SERPINE3: variants seen among roughly 807,000 people sequenced by gnomAD.
SERPINE3 encodes the protein serpin E3.
SERPINE3 carries 43 observed loss-of-function variants against 41.7 expected under a neutral mutation model. The observed-to-expected ratio is 1.03, with a 90% CI of 0.81 to 1.33. SERPINE3 has a LOEUF of 1.33. Ranked by LOEUF, SERPINE3 falls within the 40% of genes most tolerant of loss-of-function variation. The probability of loss-of-function intolerance (pLI) is 0.00; values close to 1 mark genes in which losing one functional copy is unlikely to be tolerated. For missense variants in SERPINE3, 440 were observed against 491.7 expected (o/e 0.89, Z 0.99); for synonymous variants, 200 against 192.2 (o/e 1.04, Z -0.34).
chr13:51,342,694 G>A (rs954244865), intron 3 of SERPINE3, among the ~76,000 whole-genome samples: 2 of 152,142 alleles, frequency 1.3e-5, no homozygotes, highest in African/African-American at 4.8e-5. Flanking sequence ...AGATGGAGAG[G>A]AGAGTTCTGT....
chr13:51,364,219 ATTC>A lies in SERPINE3; in HGVS notation c.1172-14_1172-12del, dbSNP rs910313121. On this transcript the variant is annotated splice_polypyrimidine_tract_variant and intron_variant, in intron 9 of 9. Transcript: ENST00000681248. ...ATATGAAAATACTATATAATATTAA[ATTC>A]TTCTTTTTCTTGACAGGGTTTGTCT... is the stretch of plus-strand genomic sequence containing the variant. 5.3e-6 allele frequency: 7 copies of A among 1,325,606 alleles called. No homozygotes were observed. The highest frequency in any genetic ancestry group is 4.4e-5 in the African/African-American group (3 of 67,884). The allele number at this position is 1,325,606 out of a possible 1,614,324, so 82.1% of individuals were successfully genotyped here. A position where few individuals can be genotyped will look rare whatever the true frequency, so the allele number is the denominator to read the frequency against.
At chr13:51,340,224 TAAC>T (rs1325364811) in intron 1 of SERPINE3, among the ~76,000 whole-genome samples, 1 of 152,134 alleles carries the variant, frequency 6.6e-6, no homozygotes, top group Non-Finnish European at 1.5e-5. Flanking sequence ...TCAGACAACT[TAAC>T]AAAAACTGCT....
At chr13:51,357,754 A>G (rs1955503217) in intron 7 of SERPINE3, among the ~76,000 whole-genome samples, 2 of 151,758 alleles carry the variant, frequency 1.3e-5, no homozygotes, top group African/African-American at 4.8e-5. Flanking sequence ...AGCTAAAGAT[A>G]CTCTTCTTAA....
At chr13:51,357,210 TAATC>T (rs1388566920) in intron 7 of SERPINE3, among the ~76,000 whole-genome samples, 3 of 152,192 alleles carry the variant, frequency 2.0e-5, no homozygotes, top group Non-Finnish European at 2.9e-5. Context: ...TCTTTAAACA[TAATC>T]AAGAGACTAA....
intron 4 of SERPINE3, among the ~76,000 whole-genome samples, 155 bp downstream of exon 4, chr13:51,344,640 G>A (rs990110633): frequency 7.9e-5 from 12 of 152,114 alleles, no homozygotes; most frequent in African/African-American, 4.8e-5. Context: ...ATGACAAGGG[G>A]ACACTAAGTC....
Position 51,341,364 on chromosome 13 carries a change from C to G in SERPINE3, c.256+17C>G. ...CTGTCCATGGTAAGAGGCCTGCCCA[C>G]GTGCACACTCACTTACCCTCCTGTT... is the stretch of plus-strand genomic sequence containing the variant. On this transcript the variant is annotated intron_variant, in intron 3 of 9. Coordinates refer to ENST00000681248, the MANE Select transcript of SERPINE3 (RefSeq NM_001386375.1). 1.3e-6 allele frequency: 2 copies of G among 1,565,778 alleles called. No homozygotes were observed. Among genetic ancestry groups the G allele is most frequent in the South Asian group, 1.2e-5 (1 of 85,548 alleles).
intron 9 of SERPINE3, chr13:51,363,880 G>A (rs1161622317): frequency 6.3e-6 from 1 of 159,524 alleles, no homozygotes; most frequent in Non-Finnish European, 1.4e-5. Flanking sequence ...TAAAGGTCAT[G>A]AGCAATCTGT....
At chr13:51,346,970 C>T (rs570068427) in intron 4 of SERPINE3, 55 bp from the exon 5 acceptor site, 15 of 1,317,800 alleles carry the variant, frequency 1.1e-5, no homozygotes, top group Middle Eastern at 3.9e-4. Context: ...ACACTGGGTT[C>T]GGTTCAGTTT....
At chr13:51,347,959 C>G (rs1046850163) in intron 5 of SERPINE3, among the ~76,000 whole-genome samples, 2 of 151,896 alleles carry the variant, frequency 1.3e-5, no homozygotes, top group African/African-American at 4.8e-5. Flanking sequence ...GCCATCGTCC[C>G]CCCCCCCATA....
chr13:51,353,854 C>T (rs761082840), intron 6 of SERPINE3, among the ~76,000 whole-genome samples: 12 of 152,044 alleles, frequency 7.9e-5, no homozygotes, highest in Non-Finnish European at 1.5e-4. Flanking sequence ...TAGAAAAAGA[C>T]CATCTAATTT....
At chr13:51,361,924 T>G (rs754154582) in intron 9 of SERPINE3, 31 bp downstream of exon 9, 2 of 1,611,882 alleles carry the variant, frequency 1.2e-6, no homozygotes, top group African/African-American at 1.3e-5. Context: ...AGGATTCAGA[T>G]AATTTATCAG....
chr13:51,358,584 G>A (rs1189970485), intron 7 of SERPINE3, among the ~76,000 whole-genome samples: 1 of 152,148 alleles, frequency 6.6e-6, no homozygotes, highest in African/African-American at 2.4e-5. Flanking sequence ...CATTCGTATA[G>A]TGGTAAGGGG....
intron 6 of SERPINE3, among the ~76,000 whole-genome samples, chr13:51,352,478 T>TG (rs1955414634): frequency 6.6e-6 from 1 of 152,082 alleles, no homozygotes; most frequent in African/African-American, 2.4e-5. Context: ...TAGGTTTTTT[T>TG]TTGTGTGTGT....
In SERPINE3 at chr13:51,344,253, C is replaced by A. The variant is rs1955322703; in HGVS notation, c.258C>A (p.Asp86Glu). ...LADALGYTVH[D>E]KRVKDFLHAV... ...CTTATCCCAACTTGTTTTTCACAGA[C>A]AAAAGGGTGAAAGATTTCTTGCATG... The change falls in exon 4 of 10, where the codon GAC becomes GAA. Residue 86 changes from aspartate (D) to glutamate (E), a missense_variant and splice_region_variant. By Grantham distance (45) the Asp-to-Glu change is conservative (BLOSUM62 2). Coordinates refer to ENST00000681248, the MANE Select transcript of SERPINE3 (RefSeq NM_001386375.1). The A allele has an allele frequency of 6.2e-7, 1 of 1,612,972 alleles. No individual in the cohort carries two copies. The highest frequency in any genetic ancestry group is 2.2e-5 in the East Asian group (1 of 44,888).
chr13:51,340,718 A>C (rs1955280947), intron 1 of SERPINE3, 66 bp from the exon 2 acceptor site: 1 of 281,422 alleles, frequency 3.6e-6, no homozygotes, highest in Non-Finnish European at 6.8e-6. Flanking sequence ...TATACCAAGA[A>C]CAATGAGTAG....
intron 8 of SERPINE3, 173 bp from the exon 9 acceptor site, chr13:51,361,637 A>G (rs1955577714): frequency 4.8e-6 from 3 of 620,176 alleles, no homozygotes; most frequent in Non-Finnish European, 8.2e-6. Context: ...AGGATTGGCT[A>G]AATGGCATCT....
At position 51,361,913 on chromosome 13, in the gene SERPINE3, C is replaced by CA; in HGVS notation, c.1171+21dup. ...ACACAGGTATTACAGTATTTTTTGA[C>CA]AGGATTCAGATAATTTATCAGTGTC... On this transcript the variant is annotated intron_variant, in intron 9 of 9. Coordinates refer to ENST00000681248, the MANE Select transcript of SERPINE3 (RefSeq NM_001386375.1). The CA allele has an allele frequency of 6.2e-7, 1 of 1,611,688 alleles. No individual in the cohort carries two copies. Among genetic ancestry groups the CA allele is most frequent in the Non-Finnish European group, 8.5e-7 (1 of 1,178,494 alleles).
chr13:51,341,197 C>A lies in SERPINE3; in HGVS notation c.106C>A (p.His36Asn). ...ATTGCTGAAGACTGAGTTTGCACTT[C>A]ACCTCTACCAGAGTGTGGCCGCGTG... ...MTLLKTEFAL[H>N]LYQSVAACRN... is the part of the protein sequence containing the mutation. Residue 36 changes from histidine to asparagine, a missense_variant, in exon 3 of 10, where the codon CAC (histidine) becomes AAC (asparagine). Physicochemically the swap from His to Asn is moderately conservative, Grantham distance 68. Coordinates refer to ENST00000681248, the MANE Select transcript of SERPINE3 (RefSeq NM_001386375.1). The A allele has an allele frequency of 6.2e-7, 1 of 1,614,066 alleles. No individual in the cohort carries two copies. The highest frequency in any genetic ancestry group is 1.1e-5 in the South Asian group (1 of 91,084).
rs1042311082 is a variant in SERPINE3, at chr13:51,364,326, A to G, written c.*44A>G. 11 of 1,191,574 alleles carry G rather than the reference A, an allele frequency of 9.2e-6. No homozygotes were observed. The Admixed American group carries it at 1.4e-4, about 15-fold the overall frequency. The allele number at this position is 1,191,574 out of a possible 1,614,324, so 73.8% of individuals were successfully genotyped here. A position where few individuals can be genotyped will look rare whatever the true frequency, so the allele number is the denominator to read the frequency against. ...CATCAATGCTTTTCTTCATAAAGTT[A>G]TAATTTCATTTTGCTATACCCTTGA... On this transcript the variant is annotated 3_prime_UTR_variant, in exon 10 of 10. Coordinates refer to ENST00000681248, the MANE Select transcript of SERPINE3 (RefSeq NM_001386375.1).
Sources: gnomAD v4.1 joint callset for allele counts (sites outside exome capture counted in the v4.1 genomes callset) on GRCh38, gnomAD v4.1.1 for gene constraint, MANE v1.5 for transcripts, NCBI Gene and HGNC (gene_info 2026-07-23, HGNC 2026-07-21) for gene names.